FRMD4A: variants seen among roughly 807,000 people sequenced by gnomAD.
The protein encoded by FRMD4A is FERM domain-containing protein 4A.
Under a neutral mutation model 129.1 loss-of-function variants are expected in FRMD4A, and 29 were observed. The observed-to-expected ratio is 0.22, with a 90% confidence interval of 0.17 to 0.31. The LOEUF is 0.31. FRMD4A is among the 10% of genes least tolerant of loss of function. The pLI is 1.00. For missense variants in FRMD4A, 1,272 were observed against 1,375.8 expected (o/e 0.92, Z 1.19); for synonymous variants, 634 against 571.6 (o/e 1.11, Z -1.56).
chr10:14,328,184 C>A (rs572621762), intron 2 of FRMD4A, among the ~76,000 whole-genome samples: 1 of 152,106 alleles, frequency 6.6e-6, no homozygotes, highest in Non-Finnish European at 1.5e-5. Flanking sequence ...AGAGCTCTTT[C>A]CCCTGGTTTC....
intron 2 of FRMD4A, among the ~76,000 whole-genome samples, chr10:14,104,763 G>A (rs1478297718): frequency 2.0e-5 from 3 of 152,232 alleles, no homozygotes; most frequent in South Asian, 2.1e-4. Context: ...TGGCGATTTC[G>A]TGTGGTTCAA....
Position 13,708,689 on chromosome 10 carries a change from C to T in FRMD4A, c.760-1576G>A, listed in dbSNP as rs150438380. Among the ~76,000 whole-genome samples the T allele has an allele frequency of 2.0e-3, 312 of 152,336 alleles. 4 individuals carry two copies. The highest frequency in any genetic ancestry group is 7.0e-3 in the African/African-American group (289 of 41,578). ...TGTCAGAGATTCAACAGCGCCTTAG[C>T]GGAGTCTATTACTAAAATACACAGA... On this transcript the variant is annotated intron_variant, in intron 12 of 24. Transcript: ENST00000357447.
intron 2 of FRMD4A, among the ~76,000 whole-genome samples, chr10:14,125,822 A>G (rs865989263): frequency 3.3e-5 from 5 of 151,596 alleles, no homozygotes; most frequent in South Asian, 4.1e-4. Context: ...AAGTGCAAGC[A>G]TTAGTAGGTA....
chr10:14,165,916 T>G (rs79680472), intron 2 of FRMD4A, among the ~76,000 whole-genome samples: 13,517 of 152,134 alleles, frequency 0.089, 1,241 homozygotes, highest in African/African-American at 0.23. Flanking sequence ...ATGTCCACTA[T>G]TTGATTGACA....
intron 6 of FRMD4A, among the ~76,000 whole-genome samples, chr10:13,777,953 C>T (rs978325264): frequency 2.0e-5 from 3 of 151,976 alleles, no homozygotes; most frequent in Non-Finnish European, 2.9e-5. Context: ...CAGGCGCCTG[C>T]CACCACGCCC....
intron 2 of FRMD4A, among the ~76,000 whole-genome samples, chr10:13,861,751 T>C (rs774103359): frequency 6.6e-6 from 1 of 152,218 alleles, no homozygotes. Flanking sequence ...TTAGAATCCA[T>C]CAACCTTGCA....
At chr10:14,323,415 A>T (rs1356770016) in intron 2 of FRMD4A, among the ~76,000 whole-genome samples, 1 of 152,186 alleles carries the variant, frequency 6.6e-6, no homozygotes, top group African/African-American at 2.4e-5. Flanking sequence ...GATTTGTTCA[A>T]ACTAGCATAA....
intron 18 of FRMD4A, among the ~76,000 whole-genome samples, chr10:13,665,874 C>A (rs892262294): frequency 1.3e-5 from 2 of 152,240 alleles, no homozygotes; most frequent in Admixed American, 1.3e-4. Flanking sequence ...AATAGTGATA[C>A]CAACAGTTTG....
intron 2 of FRMD4A, among the ~76,000 whole-genome samples, chr10:14,159,006 T>C (rs1840745250): frequency 6.6e-6 from 1 of 152,082 alleles, no homozygotes; most frequent in Non-Finnish European, 1.5e-5. Context: ...GGAGAGTATA[T>C]AAAGGCAAGT....
chr10:13,950,338 G>A (rs980394560), intron 2 of FRMD4A, among the ~76,000 whole-genome samples: 2 of 152,142 alleles, frequency 1.3e-5, no homozygotes, highest in South Asian at 2.1e-4. Context: ...TTTTAACTTG[G>A]GAAAGTCTGA....
intron 15 of FRMD4A, among the ~76,000 whole-genome samples, chr10:13,689,221 A>G (rs888554676): frequency 4.1e-3 from 229 of 55,800 alleles, no homozygotes; most frequent in Admixed American, 6.2e-3. Flanking sequence ...GGGGGGGGGG[A>G]GGGCTATAAC....
In FRMD4A at chr10:13,707,171, C is replaced by T; in HGVS notation, c.760-58G>A. On this transcript the variant is annotated intron_variant, in intron 12 of 24. Transcript: ENST00000357447. ...GAGGGGCTGGCTCCTGGGCCATCTT[C>T]CCCTCTCTGCTGGTTAACTTTCGAC... 5.0e-6 allele frequency: 5 copies of T among 1,007,558 alleles called. No individual in the cohort carries two copies. The South Asian group carries it at 5.1e-5, about 10-fold the overall frequency. 62.4% of individuals were successfully genotyped at this position (1,007,558 alleles called of 1,614,324 possible).
chr10:14,175,900 T>C (rs1055727538), intron 2 of FRMD4A, among the ~76,000 whole-genome samples: 4 of 152,186 alleles, frequency 2.6e-5, no homozygotes, highest in Non-Finnish European at 5.9e-5. Flanking sequence ...TAACCAGACA[T>C]GTACATCCTT....
At chr10:13,886,797 G>A (rs906215095) in intron 2 of FRMD4A, among the ~76,000 whole-genome samples, 8 of 152,154 alleles carry the variant, frequency 5.3e-5, no homozygotes, top group African/African-American at 1.9e-4. Context: ...AGTGCGGTCT[G>A]CTACACTCAC....
intron 9 of FRMD4A, among the ~76,000 whole-genome samples, chr10:13,746,717 G>A (rs2091309165): frequency 6.6e-6 from 1 of 152,284 alleles, no homozygotes; most frequent in Non-Finnish European, 1.5e-5. Context: ...TTAAATAAAA[G>A]GAGTTGCAAT....
intron 12 of FRMD4A, chr10:13,729,257 G>A (rs2090153225): frequency 6.6e-6 from 1 of 152,312 alleles, no homozygotes; most frequent in African/African-American, 2.4e-5. Flanking sequence ...TAAGAATGCT[G>A]AGTGCATTAA....
intron 3 of FRMD4A, among the ~76,000 whole-genome samples, chr10:13,839,548 G>A (rs1377619734): frequency 6.6e-6 from 1 of 152,154 alleles, no homozygotes; most frequent in Non-Finnish European, 1.5e-5. Context: ...TTGGCTTTGG[G>A]TACCATTGGC....
At chr10:14,166,227 A>C (rs942676823) in intron 2 of FRMD4A, among the ~76,000 whole-genome samples, 3 of 150,754 alleles carry the variant, frequency 2.0e-5, no homozygotes, top group Admixed American at 6.6e-5. Context: ...ACATGTTATA[A>C]TATATTAAGT....
In FRMD4A at chr10:13,916,599, A is replaced by G. The variant is rs572413865; in HGVS notation, c.46-57687T>C. Among the ~76,000 whole-genome samples, 4 of 152,328 alleles carry G rather than the reference A, an allele frequency of 2.6e-5. No homozygotes were observed. The South Asian group carries it at 8.3e-4, about 32-fold the overall frequency. On this transcript the variant is annotated intron_variant, in intron 2 of 24. Coordinates refer to ENST00000357447, the MANE Select transcript of FRMD4A (RefSeq NM_018027.5). ...AGAGGAACCTGAGGCTCCAAGGCTC[A>G]GTAACTTGCCTGAGGTTCCCCAGTG...
Sources: gnomAD v4.1 joint callset for allele counts (sites outside exome capture counted in the v4.1 genomes callset) on GRCh38, gnomAD v4.1.1 for gene constraint, MANE v1.5 for transcripts, NCBI Gene and HGNC (gene_info 2026-07-23, HGNC 2026-07-21) for gene names.